The following BRINP3 variants were observed in gnomAD, a reference collection of about 807,000 sequenced individuals.
BRINP3 encodes BMP/retinoic acid inducible neural specific 3.
Under a neutral mutation model 71.0 loss-of-function variants are expected in BRINP3, and 19 were observed. The observed-to-expected ratio is 0.27, with a 90% CI of 0.19 to 0.39. The LOEUF (loss-of-function observed/expected upper bound fraction) is 0.39. Ranked by LOEUF, BRINP3 falls within the 10% of genes least tolerant of loss-of-function variation. BRINP3 has a pLI of 1.00. For synonymous variants in BRINP3, 380 were observed against 337.7 expected (o/e 1.13, Z -1.37); for missense variants, 959 against 940.8 (o/e 1.02, Z -0.25).
intron 6 of BRINP3, among the ~76,000 whole-genome samples, chr1:190,217,336 T>C (rs896391255): frequency 1.3e-5 from 2 of 151,824 alleles, no homozygotes; most frequent in African/African-American, 4.8e-5. Context: ...ATTTTGTTTA[T>C]CTGTTATGAG....
chr1:190,319,614 C>T (rs1177080382), intron 2 of BRINP3, among the ~76,000 whole-genome samples: 1 of 152,116 alleles, frequency 6.6e-6, no homozygotes, highest in Admixed American at 6.6e-5. Flanking sequence ...AAAGGGAGAG[C>T]CAGCATGTCT....
Position 190,258,654 on chromosome 1 carries a change from G to A in BRINP3, c.618+6211C>T, listed in dbSNP as rs901265444. ...AAAGAAATACTATGAACAATTGCAT[G>A]CCAACAAATTGTATAATTTCAATGA... On this transcript the variant is annotated intron_variant, in intron 4 of 7. Coordinates refer to ENST00000367462, the MANE Select transcript of BRINP3 (RefSeq NM_199051.3). Among the ~76,000 whole-genome samples the A allele has an allele frequency of 2.0e-5, 3 of 152,308 alleles. No homozygotes were observed. The East Asian group carries it at 5.8e-4, about 29-fold the overall frequency.
intron 6 of BRINP3, among the ~76,000 whole-genome samples, chr1:190,187,654 T>C (rs1231744454): frequency 6.6e-6 from 1 of 152,174 alleles, no homozygotes; most frequent in Non-Finnish European, 1.5e-5. Context: ...CATTGTATGT[T>C]CCTGGCATCT....
intron 6 of BRINP3, among the ~76,000 whole-genome samples, chr1:190,171,532 T>C (rs2102497756): frequency 6.6e-6 from 1 of 152,270 alleles, no homozygotes; most frequent in South Asian, 2.1e-4. Flanking sequence ...AATAAAGATC[T>C]ACAGAAAAGT....
At chr1:190,293,813 T>TTTTATATAATACA (rs1664049339) in intron 2 of BRINP3, among the ~76,000 whole-genome samples, 5 of 152,180 alleles carry the variant, frequency 3.3e-5, no homozygotes, top group Admixed American at 3.3e-4. Flanking sequence ...TTAATGTCTA[T>TTTTATATAATACA]TTTATATAAT....
intron 2 of BRINP3, among the ~76,000 whole-genome samples, chr1:190,318,634 T>C (rs1481615036): frequency 6.6e-6 from 1 of 152,010 alleles, no homozygotes; most frequent in East Asian, 1.9e-4. Context: ...GTTTAAAAAG[T>C]AAAGACAAAT....
chr1:190,396,594 C>T (rs1257254496), intron 2 of BRINP3, among the ~76,000 whole-genome samples: 1 of 151,352 alleles, frequency 6.6e-6, no homozygotes, highest in Non-Finnish European at 1.5e-5. Flanking sequence ...AAGTGGCATT[C>T]TCTTTTGCAT....
intron 2 of BRINP3, among the ~76,000 whole-genome samples, chr1:190,366,192 G>A (rs961465607): frequency 5.3e-5 from 8 of 152,156 alleles, no homozygotes; most frequent in East Asian, 1.9e-4. Flanking sequence ...ATTTATAAAC[G>A]AAAGAAGTTT....
chr1:190,357,550 A>G (rs1294224544), intron 2 of BRINP3, among the ~76,000 whole-genome samples: 2 of 151,926 alleles, frequency 1.3e-5, no homozygotes, highest in Admixed American at 1.3e-4. Context: ...TGTGTAGTAA[A>G]GAATTTAACT....
chr1:190,250,296 C>T (rs1471694809), intron 4 of BRINP3, among the ~76,000 whole-genome samples: 1 of 151,866 alleles, frequency 6.6e-6, no homozygotes, highest in Non-Finnish European at 1.5e-5. Context: ...TTAAACCTAG[C>T]TAAGTTTTAT....
At chr1:190,237,513 AG>A (rs1201839651) in intron 4 of BRINP3, among the ~76,000 whole-genome samples, 1 of 152,004 alleles carries the variant, frequency 6.6e-6, no homozygotes, top group Non-Finnish European at 1.5e-5. Flanking sequence ...TAATAATAAA[AG>A]TAACAAATTC....
intron 2 of BRINP3, among the ~76,000 whole-genome samples, chr1:190,379,251 T>A (rs1172976038): frequency 6.6e-6 from 1 of 152,188 alleles, no homozygotes; most frequent in Non-Finnish European, 1.5e-5. Flanking sequence ...ATGAATTAAA[T>A]ATGTGTTTAT....
intron 2 of BRINP3, among the ~76,000 whole-genome samples, chr1:190,311,678 AGTGT>A (rs1000054728): frequency 2.0e-5 from 3 of 151,524 alleles, no homozygotes; most frequent in Admixed American, 6.6e-5. Context: ...ATATCATCAC[AGTGT>A]TATAAAAAAC....
At chr1:190,392,075 T>TC (rs1365665876) in intron 2 of BRINP3, among the ~76,000 whole-genome samples, 2 of 151,504 alleles carry the variant, frequency 1.3e-5, no homozygotes, top group Admixed American at 6.6e-5. Flanking sequence ...AAAAAATGAT[T>TC]TAATTGAAAG....
chr1:190,146,667 A>C (rs1269012036), intron 7 of BRINP3, among the ~76,000 whole-genome samples: 2 of 152,142 alleles, frequency 1.3e-5, no homozygotes, highest in Non-Finnish European at 2.9e-5. Context: ...AGCAATTTTC[A>C]GTGGCTACTC....
chr1:190,334,507 T>A lies in BRINP3; in HGVS notation c.237-52757A>T, dbSNP rs1016488398. Among the ~76,000 whole-genome samples, 12 of 151,958 alleles carry A rather than the reference T, an allele frequency of 7.9e-5. No individual in the cohort carries two copies. In the East Asian group the frequency reaches 2.3e-3, roughly 29 times the overall value. On this transcript the variant is annotated intron_variant, in intron 2 of 7. Transcript: ENST00000367462. ...TATCGCTGGAGGGAGATGGGTGTAT[T>A]TCCCCTTATTTGAGGTGCATGACTC...
intron 6 of BRINP3, among the ~76,000 whole-genome samples, chr1:190,187,023 A>T (rs1653589742): frequency 1.3e-5 from 2 of 152,096 alleles, no homozygotes; most frequent in Admixed American, 1.3e-4. Flanking sequence ...GAAAACGCAG[A>T]GTTTGTGTTA....
At chr1:190,157,342 G>C in intron 7 of BRINP3, among the ~76,000 whole-genome samples, 1 of 152,018 alleles carries the variant, frequency 6.6e-6, no homozygotes, top group Non-Finnish European at 1.5e-5. Context: ...GACCCACGCA[G>C]TTCAAACTCG....
chr1:190,363,346 C>A (rs577724654), intron 2 of BRINP3, among the ~76,000 whole-genome samples: 43 of 152,164 alleles, frequency 2.8e-4, no homozygotes, highest in Non-Finnish European at 5.0e-4. Context: ...ACACAGTTCA[C>A]CCCTGCCCAA....
Sources: allele counts gnomAD v4.1 joint callset (sites outside exome capture counted in the v4.1 genomes callset), GRCh38; gene constraint gnomAD v4.1.1; transcripts MANE v1.5; gene names NCBI Gene and HGNC (gene_info 2026-07-23, HGNC 2026-07-21).